PLPP1: variants seen among roughly 807,000 people sequenced by gnomAD.
The protein encoded by PLPP1 is lipid phosphate phosphohydrolase 1a.
A neutral mutation model predicts 31.2 loss-of-function variants in PLPP1; 24 were observed. The observed-to-expected ratio is 0.77, with a 90% CI of 0.56 to 1.08. The LOEUF is 1.08. Ranked by LOEUF, PLPP1 falls within the 50% of genes least tolerant of loss-of-function variation. PLPP1 has a pLI of 0.00. For synonymous variants in PLPP1, 146 were observed against 126.3 expected, an observed-to-expected ratio of 1.16 and a Z score of -1.05; for missense variants, 319 against 342.7, an observed-to-expected ratio of 0.93 and a Z score of 0.55.
At chr5:55,501,239 G>C (rs1363925958) in intron 1 of PLPP1, among the ~76,000 whole-genome samples, 7 of 152,108 alleles carry the variant, frequency 4.6e-5, no homozygotes, top group Non-Finnish European at 2.9e-5. Context: ...CTTGAACCCA[G>C]GAGGCAGAGG....
chr5:55,492,594 T>C (rs1752918040), intron 1 of PLPP1, among the ~76,000 whole-genome samples: 1 of 151,826 alleles, frequency 6.6e-6, no homozygotes, highest in African/African-American at 2.4e-5. Context: ...GGGAGACCAT[T>C]TAGTGGTAGA....
intron 3 of PLPP1, among the ~76,000 whole-genome samples, chr5:55,456,520 A>G (rs1433985795): frequency 2.0e-5 from 3 of 152,220 alleles, no homozygotes; most frequent in African/African-American, 4.8e-5. Flanking sequence ...GTAGAGATAC[A>G]TAAGTTAAAA....
chr5:55,478,189 A>G (rs181666808), intron 1 of PLPP1, among the ~76,000 whole-genome samples: 6 of 152,230 alleles, frequency 3.9e-5, no homozygotes, highest in Admixed American at 6.5e-5. Flanking sequence ...CATGTTAGAA[A>G]CTATTCTTAG....
At chr5:55,532,368 C>T (rs1168725023) in intron 1 of PLPP1, among the ~76,000 whole-genome samples, 1 of 151,932 alleles carries the variant, frequency 6.6e-6, no homozygotes, top group Admixed American at 6.6e-5. Flanking sequence ...ACAAATTGAT[C>T]GAACTCCCAC....
chr5:55,452,673 T>C (rs987990362), intron 3 of PLPP1, among the ~76,000 whole-genome samples: 1 of 152,188 alleles, frequency 6.6e-6, no homozygotes, highest in Non-Finnish European at 1.5e-5. Context: ...CCAAGAAACC[T>C]TTCCTAAAAA....
chr5:55,456,288 G>C (rs1221736730), intron 3 of PLPP1, among the ~76,000 whole-genome samples: 2 of 152,168 alleles, frequency 1.3e-5, no homozygotes, highest in African/African-American at 2.4e-5. Context: ...GAGCGCAAAA[G>C]TGTGCTACGT....
intron 3 of PLPP1, among the ~76,000 whole-genome samples, chr5:55,464,662 G>A (rs1752247790): frequency 6.6e-6 from 1 of 152,190 alleles, no homozygotes; most frequent in Non-Finnish European, 1.5e-5. Context: ...GGAGAAAAAG[G>A]AACAACATGG....
At chr5:55,530,179 C>T (rs1209235235) in intron 1 of PLPP1, 29 of 1,319,100 alleles carry the variant, frequency 2.2e-5, no homozygotes, top group Middle Eastern at 2.6e-4. Context: ...TGAAATGATT[C>T]TTCAACAGCA....
intron 1 of PLPP1, among the ~76,000 whole-genome samples, chr5:55,516,958 T>C (rs1165318827): frequency 2.0e-5 from 3 of 152,198 alleles, no homozygotes; most frequent in South Asian, 2.1e-4. Context: ...ACATTCTTTA[T>C]TGCAGAAAGT....
At chr5:55,532,954 C>CA (rs61144694) in intron 1 of PLPP1, among the ~76,000 whole-genome samples, 1,974 of 121,326 alleles carry the variant, frequency 0.016, 55 homozygotes, top group African/African-American at 0.056. Flanking sequence ...AGACCGTCTC[C>CA]AAAAAAAAAA....
chr5:55,520,896 A>G (rs1261719143), intron 1 of PLPP1, among the ~76,000 whole-genome samples: 1 of 152,230 alleles, frequency 6.6e-6, no homozygotes, highest in Non-Finnish European at 1.5e-5. Context: ...CAATGGTTTC[A>G]GGGGAAATTG....
intron 1 of PLPP1, among the ~76,000 whole-genome samples, chr5:55,485,589 A>G (rs955818823): frequency 7.2e-5 from 3 of 41,830 alleles, no homozygotes; most frequent in African/African-American, 1.7e-4. Flanking sequence ...CTTCAGGTAT[A>G]TGAAAAATGA....
chr5:55,512,469 A>T (rs76924817), intron 1 of PLPP1, among the ~76,000 whole-genome samples: 1 of 17,530 alleles, frequency 5.7e-5, no homozygotes, highest in African/African-American at 1.6e-4. Context: ...AGACTGTCTC[A>T]AAAAAAAAAA....
intron 4 of PLPP1, among the ~76,000 whole-genome samples, chr5:55,435,231 A>G (rs138978314): frequency 5.8e-4 from 89 of 152,314 alleles, no homozygotes; most frequent in African/African-American, 2.1e-3. Flanking sequence ...GACCAAAAAA[A>G]CATTAAGAGA....
intron 1 of PLPP1, among the ~76,000 whole-genome samples, chr5:55,510,162 C>T (rs891705205): frequency 2.0e-5 from 3 of 152,132 alleles, no homozygotes; most frequent in Non-Finnish European, 4.4e-5. Context: ...GATATAAGCA[C>T]ATTTAGAAAG....
intron 1 of PLPP1, among the ~76,000 whole-genome samples, chr5:55,501,733 A>T (rs1753150324): frequency 6.6e-6 from 1 of 152,064 alleles, no homozygotes; most frequent in South Asian, 2.1e-4. Flanking sequence ...GGAACTCCTG[A>T]CCTCAGGTGA....
At chr5:55,479,113 C>G (rs1239540041) in intron 1 of PLPP1, among the ~76,000 whole-genome samples, 3 of 151,396 alleles carry the variant, frequency 2.0e-5, no homozygotes. Flanking sequence ...CAACCTCCAC[C>G]TTCCGGGTTC....
chr5:55,503,736 G>GT (rs1753195482), intron 1 of PLPP1, among the ~76,000 whole-genome samples: 2 of 144,862 alleles, frequency 1.4e-5, no homozygotes, highest in Admixed American at 6.9e-5. Flanking sequence ...CAGAGGTCGT[G>GT]CCACTGCACT....
chr5:55,496,997 T>C (rs551984113), intron 1 of PLPP1, among the ~76,000 whole-genome samples: 97 of 152,310 alleles, frequency 6.4e-4, no homozygotes, highest in African/African-American at 2.0e-3. Flanking sequence ...AAATTTATTT[T>C]GAAAACAATG....
Sources: gnomAD v4.1 joint callset for allele counts (sites outside exome capture counted in the v4.1 genomes callset) on GRCh38, gnomAD v4.1.1 for gene constraint, MANE v1.5 for transcripts, NCBI Gene and HGNC (gene_info 2026-07-23, HGNC 2026-07-21) for gene names.